DNAJC1: variants seen among roughly 807,000 people sequenced by gnomAD.
DNAJC1 encodes the protein dnaJ homolog subfamily C member 1.
A neutral mutation model predicts 76.6 loss-of-function variants in DNAJC1; 58 were observed. That is an observed-to-expected ratio of 0.76 (90% confidence interval 0.61 to 0.94). The LOEUF (loss-of-function observed/expected upper bound fraction) is 0.94. Among genes scored for constraint, DNAJC1 ranks in the 40% least tolerant of loss-of-function variants. The pLI is 0.00. For missense variants in DNAJC1, 689 were observed against 677.3 expected (o/e 1.02, Z -0.19); for synonymous variants, 258 against 267.9 (o/e 0.96, Z 0.36).
intron 8 of DNAJC1, among the ~76,000 whole-genome samples, chr10:21,880,199 T>C (rs979566463): frequency 8.5e-5 from 13 of 152,194 alleles, no homozygotes; most frequent in African/African-American, 3.1e-4. Context: ...CTAATTCTAG[T>C]TCTCTTGCTA....
intron 9 of DNAJC1, among the ~76,000 whole-genome samples, chr10:21,787,402 A>G (rs1263295990): frequency 6.6e-6 from 1 of 151,980 alleles, no homozygotes; most frequent in Admixed American, 6.6e-5. Flanking sequence ...GAAGAAAAGA[A>G]GGAAGAGGAG....
chr10:21,789,788 T>A (rs1834657963), intron 9 of DNAJC1, among the ~76,000 whole-genome samples: 1 of 151,874 alleles, frequency 6.6e-6, no homozygotes, highest in Admixed American at 6.6e-5. Context: ...GGTGGGTGGA[T>A]CACATGAAGC....
intron 9 of DNAJC1, among the ~76,000 whole-genome samples, chr10:21,770,395 CTTTTTTT>C (rs34881959): frequency 2.8e-5 from 3 of 107,566 alleles, no homozygotes; most frequent in African/African-American, 8.1e-5. Flanking sequence ...TTTTTTTCTT[CTTTTTTT>C]TTTTTTTTTT....
intron 9 of DNAJC1, among the ~76,000 whole-genome samples, chr10:21,796,798 T>C (rs577461351): frequency 6.6e-6 from 1 of 152,180 alleles, no homozygotes; most frequent in Non-Finnish European, 1.5e-5. Flanking sequence ...TATGAGGTTA[T>C]TTTTTTGCTC....
At chr10:21,839,863 G>A (rs1201839481) in intron 8 of DNAJC1, among the ~76,000 whole-genome samples, 4 of 152,300 alleles carry the variant, frequency 2.6e-5, no homozygotes, top group Middle Eastern at 3.4e-3. Context: ...TAACATACTG[G>A]CAAACCAAAT....
rs775638079 is a variant in DNAJC1, at chr10:21,806,046, C to G, written c.1032G>C (p.Lys344Asn). The change falls in exon 9 of 12, where the codon AAG becomes AAC. Residue 344 changes from lysine to asparagine, a missense_variant. Lys to Asn is a moderately conservative substitution (Grantham distance 94). Transcript: ENST00000376980. The stretch of plus-strand genomic sequence containing the variant: ...ATCGACCTGGAGTCCCTCCTGGGAA[C>G]TTAACCATACTTCTTGTCAGTTGGC... Reference protein sequence around the residue: ...DLSQLTRSMVKFPGGTPGRWE... With the variant: ...DLSQLTRSMVNFPGGTPGRWE... 9.9e-6 allele frequency: 16 copies of G among 1,611,930 alleles called. No individual in the cohort carries two copies. In the South Asian group the frequency reaches 1.3e-4, roughly 13 times the overall value.
intron 1 of DNAJC1, among the ~76,000 whole-genome samples, chr10:21,946,914 C>T (rs912137750): frequency 5.3e-5 from 8 of 152,052 alleles, no homozygotes; most frequent in Admixed American, 2.0e-4. Flanking sequence ...GTCATGAGGG[C>T]TCCACCCTCA....
At chr10:21,803,985 C>A (rs1834851160) in intron 9 of DNAJC1, 1 of 984,180 alleles carries the variant, frequency 1.0e-6, no homozygotes, top group Non-Finnish European at 1.2e-6. Context: ...TTGGGTAAGT[C>A]TAGGGAGGAA....
chr10:21,904,486 T>C (rs1319171488), intron 7 of DNAJC1, 36 bp downstream of exon 7: 26 of 1,232,416 alleles, frequency 2.1e-5, no homozygotes, highest in Non-Finnish European at 2.7e-5. Context: ...ATTAATTTTA[T>C]ATGACATTGT....
chr10:21,879,520 A>G (rs1836237822), intron 8 of DNAJC1, among the ~76,000 whole-genome samples: 1 of 152,160 alleles, frequency 6.6e-6, no homozygotes, highest in Non-Finnish European at 1.5e-5. Flanking sequence ...GCTACTCAGG[A>G]GGCTGAGACA....
intron 7 of DNAJC1, among the ~76,000 whole-genome samples, chr10:21,888,431 C>G (rs2131728323): frequency 6.6e-6 from 1 of 152,282 alleles, no homozygotes; most frequent in Admixed American, 6.5e-5. Flanking sequence ...AAGACACATG[C>G]ACACAGATGT....
intron 1 of DNAJC1, among the ~76,000 whole-genome samples, chr10:21,996,526 C>T (rs1838417805): frequency 6.6e-6 from 1 of 152,088 alleles, no homozygotes; most frequent in Admixed American, 6.5e-5. Context: ...AACTGGTAAC[C>T]CATATAACGT....
chr10:21,796,820 G>A lies in DNAJC1; in HGVS notation c.1098+9160C>T, dbSNP rs544643089. Among the ~76,000 whole-genome samples, 311 of 152,174 alleles carry A rather than the reference G, an allele frequency of 2.0e-3. 1 individual carries two copies. The highest frequency in any genetic ancestry group is 6.9e-3 in the African/African-American group (287 of 41,510). Reference sequence around the variant, plus strand: ...TTATTTTTTTGCTCTTGAGTTGTAGGAGTTCCTTACATATTTTGGACATTA... The same window carrying A: ...TTATTTTTTTGCTCTTGAGTTGTAGAAGTTCCTTACATATTTTGGACATTA... On this transcript the variant is annotated intron_variant, in intron 9 of 11. Coordinates refer to ENST00000376980, the MANE Select transcript of DNAJC1 (RefSeq NM_022365.4).
chr10:21,883,239 G>A (rs946919990), intron 7 of DNAJC1, among the ~76,000 whole-genome samples: 1 of 115,520 alleles, frequency 8.7e-6, no homozygotes, highest in African/African-American at 3.1e-5. Flanking sequence ...GACAGAGTGA[G>A]ATTCTATCTC....
chr10:22,001,881 G>C lies in DNAJC1; in HGVS notation c.222+1332C>G, dbSNP rs111335164. ...TATTTTTACACATACTCCATCATTT[G>C]CTTTGAAAATGAGATATATAGTGTA... On this transcript the variant is annotated intron_variant, in intron 1 of 11. Transcript: ENST00000376980. Among the ~76,000 whole-genome samples the C allele has an allele frequency of 5.7e-4, 87 of 152,276 alleles. 1 individual carries two copies. The highest frequency in any genetic ancestry group is 2.0e-3 in the African/African-American group (85 of 41,564).
chr10:21,851,637 T>C (rs1170661154), intron 8 of DNAJC1, among the ~76,000 whole-genome samples: 2 of 152,176 alleles, frequency 1.3e-5, no homozygotes, highest in Non-Finnish European at 2.9e-5. Flanking sequence ...CAATCAGGTA[T>C]ATACCCAAAG....
At chr10:21,769,848 G>C (rs1046949482) in intron 9 of DNAJC1, among the ~76,000 whole-genome samples, 1 of 152,042 alleles carries the variant, frequency 6.6e-6, no homozygotes, top group Admixed American at 6.6e-5. Flanking sequence ...CACCACGCCA[G>C]GCTAATTTTG....
intron 9 of DNAJC1, among the ~76,000 whole-genome samples, chr10:21,776,982 G>C (rs1239833460): frequency 6.6e-6 from 1 of 152,126 alleles, no homozygotes. Context: ...GCATTAACAT[G>C]TAATAGCTCA....
chr10:21,835,433 A>G (rs1364739684), intron 8 of DNAJC1, among the ~76,000 whole-genome samples: 2 of 152,192 alleles, frequency 1.3e-5, no homozygotes, highest in African/African-American at 2.4e-5. Flanking sequence ...TCCTCCTCCA[A>G]AGGAATGCAG....
Sources: gnomAD v4.1 joint callset for allele counts (sites outside exome capture counted in the v4.1 genomes callset) on GRCh38, gnomAD v4.1.1 for gene constraint, MANE v1.5 for transcripts, NCBI Gene and HGNC (gene_info 2026-07-23, HGNC 2026-07-21) for gene names.